CSF2RB: variants seen among roughly 807,000 people sequenced by gnomAD.
The protein encoded by CSF2RB is colony stimulating factor 2 receptor subunit beta.
In CSF2RB, 22 loss-of-function variants were observed where a neutral mutation model predicts 67.2. That is an observed-to-expected ratio of 0.33 (90% confidence interval 0.23 to 0.47). The LOEUF (loss-of-function observed/expected upper bound fraction) is 0.47. Among genes scored for constraint, CSF2RB ranks in the 20% least tolerant of loss-of-function variants. The pLI is 1.00. For missense variants in CSF2RB, 1,113 were observed against 1,174.5 expected (o/e 0.95, Z 0.76); for synonymous variants, 507 against 482.9 (o/e 1.05, Z -0.65).
In CSF2RB at chr22:36,918,231, T is replaced by G. The variant is rs189372164; in HGVS notation, c.-172-3805T>G. Among the ~76,000 whole-genome samples, 566 of 152,374 alleles carry G rather than the reference T, an allele frequency of 3.7e-3. 3 individuals are homozygous for G. Among genetic ancestry groups the G allele is most frequent in the African/African-American group, 0.013 (546 of 41,580 alleles). ...CTTTCAGAAAAGATCTGAAAAACTT[T>G]CTTTGTCCTTACATACTCAAAATTT... On this transcript the variant is annotated intron_variant, in intron 1 of 13. Transcript: ENST00000403662.
intron 1 of CSF2RB, among the ~76,000 whole-genome samples, 176 bp from the exon 2 acceptor site, chr22:36,921,860 C>T (rs541403528): frequency 1.3e-5 from 2 of 152,210 alleles, no homozygotes; most frequent in Non-Finnish European, 2.9e-5. Flanking sequence ...GTCAGTGATC[C>T]AAGTGGGGAC....
intron 1 of CSF2RB, among the ~76,000 whole-genome samples, chr22:36,914,050 G>T (rs1940655824): frequency 6.6e-6 from 1 of 152,074 alleles, no homozygotes; most frequent in South Asian, 2.1e-4. Context: ...CTAAGATGCT[G>T]GTGGTAGTGA....
At chr22:36,931,745 G>A (rs569201416) in intron 8 of CSF2RB, among the ~76,000 whole-genome samples, 11 of 152,258 alleles carry the variant, frequency 7.2e-5, no homozygotes, top group African/African-American at 2.4e-4. Flanking sequence ...TCAAGTTGTG[G>A]GTCTGCCGGC....
chr22:36,936,554 G>C lies in CSF2RB; in HGVS notation c.1470G>C (p.Gly490=). The stretch of plus-strand genomic sequence containing the variant: ...AAATGTCTCTGCTCTTGCAGAACGG[G>C]AGCGCAGAGCTTTGGCCCCCAGGCA... ...NPSKSHLFQN[G]SAELWPPGSM... Residue 490 remains glycine (G), a synonymous_variant, in exon 13 of 14, where the codon GGG becomes GGC. Coordinates refer to ENST00000403662, the MANE Select transcript of CSF2RB (RefSeq NM_000395.3). 1.2e-6 allele frequency: 2 copies of C among 1,612,704 alleles called. No individual in the cohort carries two copies. Among genetic ancestry groups the C allele is most frequent in the East Asian group, 2.2e-5 (1 of 44,874 alleles).
intron 2 of CSF2RB, chr22:36,922,544 C>G (rs1940902691): frequency 5.2e-6 from 3 of 580,136 alleles, no homozygotes; most frequent in Non-Finnish European, 9.3e-6. Flanking sequence ...GGCCCCTAGG[C>G]TCCAGGATGG....
At chr22:36,919,453 T>C (rs1355443741) in intron 1 of CSF2RB, among the ~76,000 whole-genome samples, 2 of 152,088 alleles carry the variant, frequency 1.3e-5, no homozygotes, top group African/African-American at 2.4e-5. Flanking sequence ...CAGGCTGGAG[T>C]GCCATGGCAA....
At position 36,938,882 on chromosome 22, in the gene CSF2RB, C is replaced by T. The variant is rs1248247505; in HGVS notation, c.*380C>T. 3.0e-5 allele frequency: 17 copies of T among 565,448 alleles called. No homozygotes were observed. 35.0% of individuals were successfully genotyped at this position (565,448 alleles called of 1,614,324 possible). The stretch of plus-strand genomic sequence containing the variant: ...TTTATTATGAGAGTGGGGCTGAGGT[C>T]TGAGCTGAGCCTTATCAGACTGAGA... On this transcript the variant is annotated 3_prime_UTR_variant, in exon 14 of 14. Transcript: ENST00000403662.
At position 36,930,776 on chromosome 22, in the gene CSF2RB, A is replaced by G; in HGVS notation, c.958A>G (p.Ile320Val). The part of the protein sequence containing the change: ...VPDPATHGQY[I>V]VSVQPRRAEK... ...CGACCCCGCGACCCACGGCCAATACATCGTCTCTGTTCAGCCAAGGAGGGC... is the reference window on the plus strand; with the variant it reads ...CGACCCCGCGACCCACGGCCAATACGTCGTCTCTGTTCAGCCAAGGAGGGC... Residue 320 changes from isoleucine (I) to valine (V), a missense_variant, in exon 8 of 14, where the codon ATC becomes GTC. Around this residue, in one of 2 missense-constraint regions of CSF2RB, gnomAD observed 559 missense variants for 656.5 expected, o/e 0.85. Transcript: ENST00000403662. The G allele has an allele frequency of 6.2e-7, 1 of 1,614,068 alleles. No homozygotes were observed. The highest frequency in any genetic ancestry group is 8.5e-7 in the Non-Finnish European group (1 of 1,180,016).
intron 8 of CSF2RB, among the ~76,000 whole-genome samples, chr22:36,932,419 A>G (rs904451837): frequency 1.6e-4 from 22 of 136,354 alleles, no homozygotes; most frequent in African/African-American, 5.6e-4. Context: ...TGGGCAACAG[A>G]GTGAGACTCC....
intron 1 of CSF2RB, among the ~76,000 whole-genome samples, chr22:36,919,717 T>C (rs9610607): frequency 0.44 from 67,001 of 151,902 alleles, 16,758 homozygotes; most frequent in Admixed American, 0.58. Flanking sequence ...AGGCTTTGAT[T>C]GATTTTTTTT....
chr22:36,919,842 T>C (rs76218233), intron 1 of CSF2RB, among the ~76,000 whole-genome samples: 3,167 of 152,336 alleles, frequency 0.021, 58 homozygotes, highest in South Asian at 0.057. Context: ...TTTAGATGTC[T>C]TAATGTACTC....
intron 10 of CSF2RB, among the ~76,000 whole-genome samples, chr22:36,934,973 C>T (rs1941237096): frequency 6.6e-6 from 1 of 152,132 alleles, no homozygotes; most frequent in Admixed American, 6.5e-5. Context: ...TGCCACTATG[C>T]CTTTCCCCAT....
Position 36,929,641 on chromosome 22 carries a change from C to G in CSF2RB, c.552C>G (p.Asp184Glu). ...VYKRLQDSWE[D>E]AAILLSNTSQ... Reference sequence around the variant, plus strand: ...CAGCACCCACTGTCTCCTGACAGGACGCAGCCATCCTCCTCTCCAACACCT... The same window carrying G: ...CAGCACCCACTGTCTCCTGACAGGAGGCAGCCATCCTCCTCTCCAACACCT... Residue 184 changes from aspartate (D) to glutamate (E), a missense_variant and splice_region_variant, in exon 6 of 14, where the codon GAC (aspartate) becomes GAG (glutamate). Physicochemically the swap from Asp to Glu is conservative, Grantham distance 45 (BLOSUM62 2). Transcript: ENST00000403662. The G allele has an allele frequency of 6.2e-7, 1 of 1,614,222 alleles. No homozygotes were observed. The highest frequency in any genetic ancestry group is 8.5e-7 in the Non-Finnish European group (1 of 1,180,032).
At chr22:36,926,618 G>T (rs80113306) in intron 4 of CSF2RB, among the ~76,000 whole-genome samples, 2,848 of 152,264 alleles carry the variant, frequency 0.019, 44 homozygotes, top group South Asian at 0.066. Flanking sequence ...CAGCCTTCCC[G>T]GGGGCTTCCT....
Position 36,939,521 on chromosome 22 carries a change from A to C in CSF2RB, c.*1019A>C, listed in dbSNP as rs1941344471. The C allele has an allele frequency of 8.2e-6, 3 of 364,732 alleles. No individual in the cohort carries two copies. Among genetic ancestry groups the C allele is most frequent in the South Asian group, 1.1e-4 (2 of 18,782 alleles). The allele number at this position is 364,732 out of a possible 1,614,324, so 22.6% of individuals were successfully genotyped here. A position where few individuals can be genotyped will look rare whatever the true frequency, so the allele number is the denominator to read the frequency against. On this transcript the variant is annotated 3_prime_UTR_variant, in exon 14 of 14. Transcript: ENST00000403662. Reference sequence around the variant, plus strand: ...TGCACCAGGGATTATGGTTCTTTTAAATCTTTGCCTTTCAGATACAGGAAA... The same window carrying C: ...TGCACCAGGGATTATGGTTCTTTTACATCTTTGCCTTTCAGATACAGGAAA...
chr22:36,938,708 C>T lies in CSF2RB; in HGVS notation c.*206C>T, dbSNP rs1012257685. Reference sequence around the variant, plus strand: ...GCTCACACAGACACACACACACACACGTACATGCACACATTTTTCCTGTCA... The same window carrying T: ...GCTCACACAGACACACACACACACATGTACATGCACACATTTTTCCTGTCA... On this transcript the variant is annotated 3_prime_UTR_variant, in exon 14 of 14. Transcript: ENST00000403662. 8.7e-6 allele frequency: 5 copies of T among 576,100 alleles called. No homozygotes were observed. The highest frequency in any genetic ancestry group is 2.4e-5 in the South Asian group (1 of 41,086). 35.7% of individuals were successfully genotyped at this position (576,100 alleles called of 1,614,324 possible). A position where few individuals can be genotyped will look rare whatever the true frequency, so the allele number is the denominator to read the frequency against.
intron 4 of CSF2RB, among the ~76,000 whole-genome samples, chr22:36,927,378 A>G (rs1202008431): frequency 6.6e-6 from 1 of 151,868 alleles, no homozygotes; most frequent in Non-Finnish European, 1.5e-5. Context: ...TGCCTCATGC[A>G]GGGGGTAAAG....
chr22:36,935,270 C>T lies in CSF2RB; in HGVS notation c.1316-81C>T. 6 of 1,333,566 alleles carry T rather than the reference C, an allele frequency of 4.5e-6. No individual in the cohort carries two copies. In the South Asian group the frequency reaches 6.0e-5, roughly 13 times the overall value. 82.6% of individuals were successfully genotyped at this position (1,333,566 alleles called of 1,614,324 possible). A position where few individuals can be genotyped will look rare whatever the true frequency, so the allele number is the denominator to read the frequency against. On this transcript the variant is annotated intron_variant, in intron 10 of 13. Coordinates refer to ENST00000403662, the MANE Select transcript of CSF2RB (RefSeq NM_000395.3). ...GCACAGAGCGGGGTCTTAAGGAATA[C>T]TGCACCAACCCCACTCCCTGCCCTG...
In CSF2RB at chr22:36,938,675, C is replaced by T; in HGVS notation, c.*173C>T. 1 of 637,160 alleles carries T rather than the reference C, an allele frequency of 1.6e-6. No individual in the cohort carries two copies. Among genetic ancestry groups the T allele is most frequent in the Non-Finnish European group, 2.7e-6 (1 of 372,018 alleles). 39.5% of individuals were successfully genotyped at this position (637,160 alleles called of 1,614,324 possible). The stretch of plus-strand genomic sequence containing the variant: ...CCTTGACCTTCAGCAAATCACTTCT[C>T]TCCCTGCGCTCACACAGACACACAC... On this transcript the variant is annotated 3_prime_UTR_variant, in exon 14 of 14. Transcript: ENST00000403662.
Sources: gnomAD v4.1 joint callset for allele counts (sites outside exome capture counted in the v4.1 genomes callset) on GRCh38, gnomAD v4.1.1 for gene constraint, gnomAD v4.1.1 regional missense constraint, MANE v1.5 for transcripts, NCBI Gene and HGNC (gene_info 2026-07-23, HGNC 2026-07-21) for gene names.